The following COL11A2 variants were observed in gnomAD, a reference collection of about 807,000 sequenced individuals.
COL11A2 encodes collagen alpha-2(XI) chain.
Under a neutral mutation model 273.4 loss-of-function variants are expected in COL11A2, and 116 were observed. The observed-to-expected ratio is 0.42, with a 90% CI of 0.36 to 0.49. COL11A2 has a LOEUF of 0.49. Ranked by LOEUF, COL11A2 falls within the 20% of genes least tolerant of loss-of-function variation. The pLI, the probability that COL11A2 is intolerant of heterozygous loss-of-function variation, is 0.00. For synonymous variants in COL11A2, 782 were observed against 864.2 expected (o/e 0.90, Z 1.67); for missense variants, 1,866 against 2,309.0 (o/e 0.81, Z 3.93).
chr6:33,174,730 C>T, intron 30 of COL11A2, 150 bp from the exon 31 acceptor site: 7 of 758,660 alleles, frequency 9.2e-6, no homozygotes, highest in Non-Finnish European at 1.6e-5. Flanking sequence ...GCTTGCCCCA[C>T]AGCTGCCTGA....
chr6:33,173,328 T>C lies in COL11A2; in HGVS notation c.2736+20A>G, dbSNP rs1191071129. On this transcript the variant is annotated intron_variant, in intron 37 of 65. Transcript: ENST00000341947. The surrounding 1 kb of genome is among the most constrained non-coding windows in gnomAD (Gnocchi z 6.3). Reference sequence around the variant, plus strand: ...TCTGATGGAGCCCCCTGAGAATGGGTAGCCAGGAGCATCACTCACCACTTC... The same window carrying C: ...TCTGATGGAGCCCCCTGAGAATGGGCAGCCAGGAGCATCACTCACCACTTC... 2 of 1,610,870 alleles carry C rather than the reference T, an allele frequency of 1.2e-6. No homozygotes were observed. The highest frequency in any genetic ancestry group is 1.7e-6 in the Non-Finnish European group (2 of 1,179,684).
In COL11A2 at chr6:33,170,903, C is replaced by G. The variant is rs768988213; in HGVS notation, c.3381G>C (p.Glu1127Asp). Residue 1127 changes from glutamate to aspartate, a missense_variant, in exon 46 of 66, where the codon GAG becomes GAC. Coordinates refer to ENST00000341947, the MANE Select transcript of COL11A2 (RefSeq NM_080680.3). This position sits in a 1 kb window ranked among gnomAD's most constrained non-coding sequence, Gnocchi z 4.3. ...GQPGAAGADGEPGARGPQGHF... is the reference protein window; with the variant it reads ...GQPGAAGADGDPGARGPQGHF... ...GTCCCTGGGGTCCCCGAGCTCCGGG[C>G]TCCCCATCTGCTCCCTGCAGGGTTG... The G allele has an allele frequency of 2.9e-5, 47 of 1,612,786 alleles. No homozygotes were observed. Among genetic ancestry groups the G allele is most frequent in the Non-Finnish European group, 3.7e-5 (44 of 1,179,980 alleles).
chr6:33,171,174 A>G lies in COL11A2; in HGVS notation c.3313-7T>C, dbSNP rs202033165. The G allele has an allele frequency of 6.2e-7, 1 of 1,609,864 alleles. No individual in the cohort carries two copies. The highest frequency in any genetic ancestry group is 2.2e-5 in the East Asian group (1 of 44,762). ...CAGGGGGTCCAGGAGGGCCCTGGGT[A>G]AGAGAAGAGAGTCAGAGACACCAAA... On this transcript the variant is annotated splice_region_variant and splice_polypyrimidine_tract_variant and intron_variant, in intron 44 of 65. Coordinates refer to ENST00000341947, the MANE Select transcript of COL11A2 (RefSeq NM_080680.3).
rs1473296965 is a variant in COL11A2 at position 33,173,962 on chromosome 6, A to G, written c.2530-36T>C. 9.3e-6 allele frequency: 15 copies of G among 1,613,656 alleles called. No individual in the cohort carries two copies. Among genetic ancestry groups the G allele is most frequent in the African/African-American group, 4.0e-5 (3 of 74,762 alleles). Reference sequence around the variant, plus strand: ...AAGAGGAGTTGTCAGAGAAACCCAAATGCCCCCCTCTGGACCTTGAGCCAC... The same window carrying G: ...AAGAGGAGTTGTCAGAGAAACCCAAGTGCCCCCCTCTGGACCTTGAGCCAC... On this transcript the variant is annotated intron_variant, in intron 33 of 65. Coordinates refer to ENST00000341947, the MANE Select transcript of COL11A2 (RefSeq NM_080680.3). This position sits in a 1 kb window ranked among gnomAD's most constrained non-coding sequence, Gnocchi z 6.3.
Position 33,176,194 on chromosome 6 carries a change from G to A in COL11A2, c.2214+65C>T, listed in dbSNP as rs1424996590. 6.2e-7 allele frequency: 1 copy of A among 1,605,488 alleles called. No homozygotes were observed. The highest frequency in any genetic ancestry group is 8.5e-7 in the Non-Finnish European group (1 of 1,173,872). ...GACGGCAGTGCGGGGCAGGCTGGAG[G>A]GAAGGCAGTGAAGAGAGGAGATGGC... On this transcript the variant is annotated intron_variant, in intron 28 of 65. Transcript: ENST00000341947. This position sits in a 1 kb window ranked among gnomAD's most constrained non-coding sequence, Gnocchi z 4.9.
chr6:33,178,331 G>A lies in COL11A2; in HGVS notation c.1795C>T (p.Pro599Ser). ...GERGDDGEIG[P>S]RGLPGESGPR... Reference sequence around the variant, plus strand: ...ACCGACTCTCCAGGCAGCCCTCGAGGCCCAATCTCCCCGTCATCTCCCTGG... The same window carrying A: ...ACCGACTCTCCAGGCAGCCCTCGAGACCCAATCTCCCCGTCATCTCCCTGG... The change falls in exon 20 of 66, where the codon CCT becomes TCT. Residue 599 changes from proline to serine, a missense_variant. Physicochemically the swap from Pro to Ser is moderately conservative, Grantham distance 74. Coordinates refer to ENST00000341947, the MANE Select transcript of COL11A2 (RefSeq NM_080680.3). This position sits in a 1 kb window ranked among gnomAD's most constrained non-coding sequence, Gnocchi z 4.6. 6.2e-7 allele frequency: 1 copy of A among 1,612,632 alleles called. No homozygotes were observed. The highest frequency in any genetic ancestry group is 8.5e-7 in the Non-Finnish European group (1 of 1,179,852).
rs1324290355 is a variant in COL11A2 at position 33,163,699 on chromosome 6, C to G, written c.5190G>C (p.Gly1730=). The change falls in exon 66 of 66, where the codon GGG becomes GGC. Residue 1730 remains glycine, a synonymous_variant. Transcript: ENST00000341947. The surrounding 1 kb of genome is among the most constrained non-coding windows in gnomAD (Gnocchi z 4.1). ...APPRRGGVLL[G]PVCFMG is the part of the protein sequence containing the mutation. Reference sequence around the variant, plus strand: ...GGTCCTATCCCATGAAGCAGACAGGCCCCAGCAGCACCCCTCCCCGCCTCG... The same window carrying G: ...GGTCCTATCCCATGAAGCAGACAGGGCCCAGCAGCACCCCTCCCCGCCTCG... 6.2e-7 allele frequency: 1 copy of G among 1,613,052 alleles called. No homozygotes were observed. Among genetic ancestry groups the G allele is most frequent in the Non-Finnish European group, 8.5e-7 (1 of 1,180,020 alleles).
chr6:33,183,526 A>G (rs1771983067), intron 8 of COL11A2, among the ~76,000 whole-genome samples: 1 of 152,240 alleles, frequency 6.6e-6, no homozygotes, highest in African/African-American at 2.4e-5. Context: ...TTTATGATTT[A>G]AATGACCTGA....
chr6:33,188,668 G>T, intron 3 of COL11A2, 144 bp from the exon 4 acceptor site: 1 of 932,068 alleles, frequency 1.1e-6, no homozygotes, highest in Non-Finnish European at 1.7e-6. Context: ...AGTGTTTACA[G>T]TGCACCAGAC....
chr6:33,165,003 G>A lies in COL11A2; in HGVS notation c.4751-39C>T. On this transcript the variant is annotated intron_variant, in intron 63 of 65. Transcript: ENST00000341947. The surrounding 1 kb of genome is among the most constrained non-coding windows in gnomAD (Gnocchi z 7.7). Reference sequence around the variant, plus strand: ...GAGAGGGGAGGTCAGGGCCACCTAGGTCCAGGCTCCAAGATGCTCTTTGCC... The same window carrying A: ...GAGAGGGGAGGTCAGGGCCACCTAGATCCAGGCTCCAAGATGCTCTTTGCC... 6.7e-7 allele frequency: 1 copy of A among 1,488,044 alleles called. No homozygotes were observed. The highest frequency in any genetic ancestry group is 9.2e-7 in the Non-Finnish European group (1 of 1,089,064). 92.2% of individuals were successfully genotyped at this position (1,488,044 alleles called of 1,614,324 possible).
chr6:33,171,208 A>T, intron 44 of COL11A2, 41 bp from the exon 45 acceptor site: 1 of 1,613,244 alleles, frequency 6.2e-7, no homozygotes, highest in Non-Finnish European at 8.5e-7. Flanking sequence ...AAACAGGGAG[A>T]GAGATCAGGT....
intron 6 of COL11A2, among the ~76,000 whole-genome samples, 153 bp from the exon 7 acceptor site, chr6:33,185,207 AGG>A (rs1489730653): frequency 3.3e-5 from 5 of 151,894 alleles, no homozygotes; most frequent in Non-Finnish European, 7.4e-5. Flanking sequence ...GCCCCTTTGG[AGG>A]GGGATAGTTT....
chr6:33,188,922 G>A, intron 3 of COL11A2, 56 bp downstream of exon 3: 1 of 1,584,752 alleles, frequency 6.3e-7, no homozygotes, highest in South Asian at 1.1e-5. Flanking sequence ...AGGGGTTTGG[G>A]GGCACTTCCT....
Position 33,176,623 on chromosome 6 carries a change from A to C in COL11A2, c.2115+98T>G. ...GGCACAGGAATTGAGAATGTGGCAG[A>C]GCCATATGAATAATGAGACAAGGGA... On this transcript the variant is annotated intron_variant, in intron 26 of 65. Coordinates refer to ENST00000341947, the MANE Select transcript of COL11A2 (RefSeq NM_080680.3). The surrounding 1 kb of genome is among the most constrained non-coding windows in gnomAD (Gnocchi z 4.9). 7.2e-7 allele frequency: 1 copy of C among 1,396,986 alleles called. No individual in the cohort carries two copies. Among genetic ancestry groups the C allele is most frequent in the South Asian group, 1.2e-5 (1 of 83,554 alleles). The allele number at this position is 1,396,986 out of a possible 1,614,324, so 86.5% of individuals were successfully genotyped here. A position where few individuals can be genotyped will look rare whatever the true frequency, so the allele number is the denominator to read the frequency against.
chr6:33,179,349 C>T lies in COL11A2; in HGVS notation c.1504-65G>A. On this transcript the variant is annotated intron_variant, in intron 14 of 65. Transcript: ENST00000341947. This position sits in a 1 kb window ranked among gnomAD's most constrained non-coding sequence, Gnocchi z 6.4. Reference sequence around the variant, plus strand: ...AGCCAACAGTGGCCTCGGAGTGTTCCCCAAAAGAAGCCCCTTTCCAGAACT... The same window carrying T: ...AGCCAACAGTGGCCTCGGAGTGTTCTCCAAAAGAAGCCCCTTTCCAGAACT... The T allele has an allele frequency of 1.9e-6, 3 of 1,580,674 alleles. No individual in the cohort carries two copies. Among genetic ancestry groups the T allele is most frequent in the Admixed American group, 3.8e-5 (2 of 53,286 alleles).
In COL11A2 at chr6:33,176,745, A is replaced by T. The variant is rs1285584700; in HGVS notation, c.2091T>A (p.Gly697=). 6.2e-7 allele frequency: 1 copy of T among 1,612,942 alleles called. No homozygotes were observed. The highest frequency in any genetic ancestry group is 8.5e-7 in the Non-Finnish European group (1 of 1,179,616). The change falls in exon 26 of 66, where the codon GGT becomes GGA. Residue 697 remains glycine, a synonymous_variant. Transcript: ENST00000341947. The surrounding 1 kb of genome is among the most constrained non-coding windows in gnomAD (Gnocchi z 4.9). The part of the protein sequence containing the change: ...DGPPGHPGKE[G]PPGTKGNQGP... Reference sequence around the variant, plus strand: ...CCTGGTTTCCTTTGGTTCCAGGGGGACCTTCCTTCCCTGGGTGACCCTGGG... The same window carrying T: ...CCTGGTTTCCTTTGGTTCCAGGGGGTCCTTCCTTCCCTGGGTGACCCTGGG...
Position 33,169,323 on chromosome 6 carries a change from T to G in COL11A2, c.3798+60A>C. 15 of 1,457,772 alleles carry G rather than the reference T, an allele frequency of 1.0e-5. No individual in the cohort carries two copies. The highest frequency in any genetic ancestry group is 1.4e-5 in the Non-Finnish European group (15 of 1,047,254). The allele number at this position is 1,457,772 out of a possible 1,614,324, so 90.3% of individuals were successfully genotyped here. Reference sequence around the variant, plus strand: ...AGATCCTCCCTCACACACACCCATATTCCCAGGTCTGTCATTCACAGGGCC... The same window carrying G: ...AGATCCTCCCTCACACACACCCATAGTCCCAGGTCTGTCATTCACAGGGCC... On this transcript the variant is annotated intron_variant, in intron 51 of 65. Coordinates refer to ENST00000341947, the MANE Select transcript of COL11A2 (RefSeq NM_080680.3). The surrounding 1 kb of genome is among the most constrained non-coding windows in gnomAD (Gnocchi z 5.5).
At position 33,184,167 on chromosome 6, in the gene COL11A2, G is replaced by A. The variant is rs534335166; in HGVS notation, c.1097C>T (p.Ala366Val). 3.8e-5 allele frequency: 52 copies of A among 1,367,332 alleles called. No homozygotes were observed. The highest frequency in any genetic ancestry group is 2.2e-4 in the South Asian group (19 of 88,056). The allele number at this position is 1,367,332 out of a possible 1,614,324, so 84.7% of individuals were successfully genotyped here. Residue 366 changes from alanine (A) to valine (V), a missense_variant, in exon 8 of 66, where the codon GCG (alanine) becomes GTG (valine). Physicochemically the swap from Ala to Val is moderately conservative, Grantham distance 64 (BLOSUM62 0). Coordinates refer to ENST00000341947, the MANE Select transcript of COL11A2 (RefSeq NM_080680.3). ...EETELGPALS[A>V]ETAHSGAAAH... ...TACGGCTCCTGAGTGGGCTGTCTCCGCAGAGAGGGCAGGGCCAAGCTCTGT... is the reference window on the plus strand; with the variant it reads ...TACGGCTCCTGAGTGGGCTGTCTCCACAGAGAGGGCAGGGCCAAGCTCTGT...
Position 33,179,201 on chromosome 6 carries a change from T to C in COL11A2, c.1557+30A>G. The C allele has an allele frequency of 1.2e-6, 2 of 1,611,726 alleles. No homozygotes were observed. The highest frequency in any genetic ancestry group is 1.7e-6 in the Non-Finnish European group (2 of 1,179,244). On this transcript the variant is annotated intron_variant, in intron 15 of 65. Transcript: ENST00000341947. This position sits in a 1 kb window ranked among gnomAD's most constrained non-coding sequence, Gnocchi z 6.4. ...GAGGGAGACTGAGCTGGTGAACAGA[T>C]ATGGGGGTGCAGTGGAGGAAAGTGG...
Sources: gnomAD v4.1 joint callset for allele counts (sites outside exome capture counted in the v4.1 genomes callset) on GRCh38, gnomAD v4.1.1 for gene constraint, Gnocchi (gnomAD v3.1) non-coding constraint, MANE v1.5 for transcripts, NCBI Gene and HGNC (gene_info 2026-07-23, HGNC 2026-07-21) for gene names.